ANKRD30B: variants seen among roughly 807,000 people sequenced by gnomAD.
ANKRD30B encodes the protein ankyrin repeat domain 30B, also known as ankyrin repeat domain-containing protein 30B.
In ANKRD30B, 144 loss-of-function variants were observed where a neutral mutation model predicts 202.2. The ratio of observed to expected loss-of-function variants is 0.71; its 90% CI spans 0.62 to 0.82. The LOEUF (loss-of-function observed/expected upper bound fraction) is 0.82. ANKRD30B is among the 40% of genes least tolerant of loss of function. ANKRD30B has a pLI of 0.00. For missense variants in ANKRD30B, 1,487 were observed against 1,669.1 expected, an observed-to-expected ratio of 0.89 and a Z score of 1.90; for synonymous variants, 508 against 561.3, an observed-to-expected ratio of 0.91 and a Z score of 1.34.
intron 10 of ANKRD30B, among the ~76,000 whole-genome samples, chr18:14,779,430 G>A (rs920134344): frequency 5.3e-5 from 8 of 152,106 alleles, no homozygotes; most frequent in African/African-American, 7.2e-5. Flanking sequence ...TATTTAAAAC[G>A]CATTCACACC....
At chr18:14,796,555 T>A (rs531490294) in intron 18 of ANKRD30B, 140 bp downstream of exon 18, 109 of 1,165,914 alleles carry the variant, frequency 9.3e-5, no homozygotes, top group Admixed American at 1.7e-4. Context: ...AATGTTAGCA[T>A]TTATGTTTGA....
chr18:14,922,359 G>A, the ANKRD30B span, among the ~76,000 whole-genome samples: 2 of 152,104 alleles, frequency 1.3e-5, no homozygotes, highest in Admixed American at 6.6e-5. Context: ...ACATAAACTT[G>A]AAAGTCTAGG....
chr18:14,810,368 GA>G (rs1261329183), intron 28 of ANKRD30B, among the ~76,000 whole-genome samples, 188 bp downstream of exon 28: 1 of 151,200 alleles, frequency 6.6e-6, no homozygotes, highest in Non-Finnish European at 1.5e-5. Context: ...TAGGGATTTA[GA>G]AAAAAATTCT....
chr18:14,872,225 A>G, the ANKRD30B span, among the ~76,000 whole-genome samples: 1 of 152,278 alleles, frequency 6.6e-6, no homozygotes, highest in South Asian at 2.1e-4. Context: ...CTGATGGTGA[A>G]ATATTTCTAT....
At chr18:14,918,285 G>A in the ANKRD30B span, among the ~76,000 whole-genome samples, 6 of 152,152 alleles carry the variant, frequency 3.9e-5, no homozygotes, top group Admixed American at 3.3e-4. Context: ...TGAGGCATAA[G>A]CTTGTAAGGG....
chr18:14,914,786 AT>A, the ANKRD30B span, among the ~76,000 whole-genome samples: 61 of 152,298 alleles, frequency 4.0e-4, no homozygotes, highest in African/African-American at 1.4e-3. Flanking sequence ...CATAAACTCT[AT>A]TGGGGGGTTG....
chr18:14,862,397 A>T, the ANKRD30B span, among the ~76,000 whole-genome samples: 3 of 152,164 alleles, frequency 2.0e-5, no homozygotes, highest in African/African-American at 7.2e-5. Flanking sequence ...ACAAGAAAAA[A>T]GAAGATTCCA....
the ANKRD30B span, among the ~76,000 whole-genome samples, chr18:14,902,186 C>G: frequency 6.6e-6 from 1 of 152,134 alleles, no homozygotes; most frequent in African/African-American, 2.4e-5. Context: ...CCTGCCACCC[C>G]CTCCCCACAA....
Position 14,752,626 on chromosome 18 carries a change from C to G in ANKRD30B, c.282C>G (p.Asp94Glu), listed in dbSNP as rs536178576. Residue 94 changes from aspartate (D) to glutamate (E), a missense_variant, in exon 2 of 44, where the codon GAC becomes GAG. Asp to Glu is a conservative substitution (Grantham distance 45). This residue lies in a region of ANKRD30B where 889 missense variants were observed against 841.4 expected (regional missense o/e 1.06). Coordinates refer to ENST00000690538, the MANE Select transcript of ANKRD30B (RefSeq NM_001367607.2). ...GHAEVVTFLVDRKCQLNVLDG... is the reference protein window; with the variant it reads ...GHAEVVTFLVERKCQLNVLDG... ...CAGAAGTAGTAACATTTCTGGTAGA[C>G]AGAAAGTGCCAGCTTAATGTCCTTG... 3.7e-6 allele frequency: 6 copies of G among 1,611,170 alleles called. No individual in the cohort carries two copies. The highest frequency in any genetic ancestry group is 5.1e-6 in the Non-Finnish European group (6 of 1,178,450).
At chr18:14,890,100 A>C in the ANKRD30B span, 1 of 1,061,798 alleles carries the variant, frequency 9.4e-7, no homozygotes, top group Admixed American at 1.7e-5. Context: ...ATATTCAAGG[A>C]ATCACAGAAA....
chr18:14,839,403 C>T (rs1971317239), intron 36 of ANKRD30B, among the ~76,000 whole-genome samples: 1 of 152,214 alleles, frequency 6.6e-6, no homozygotes, highest in South Asian at 2.1e-4. Flanking sequence ...ACATTCTGAA[C>T]AGAGAGGGCA....
intron 30 of ANKRD30B, among the ~76,000 whole-genome samples, chr18:14,819,927 G>T (rs1455316532): frequency 6.6e-6 from 1 of 152,024 alleles, no homozygotes; most frequent in East Asian, 1.9e-4. Flanking sequence ...GATGGGGATG[G>T]CATTGAATCT....
intron 22 of ANKRD30B, 50 bp downstream of exon 22, chr18:14,799,345 T>C: frequency 1.4e-6 from 2 of 1,431,466 alleles, no homozygotes; most frequent in African/African-American, 2.9e-5. Flanking sequence ...TATTAAACTA[T>C]TTGAAATGCT....
intron 30 of ANKRD30B, among the ~76,000 whole-genome samples, chr18:14,820,932 G>C (rs1026291345): frequency 2.6e-5 from 4 of 152,152 alleles, no homozygotes; most frequent in Admixed American, 6.5e-5. Context: ...AGTTTCAGAA[G>C]GAATGGTACC....
At chr18:14,935,397 C>G in the ANKRD30B span, among the ~76,000 whole-genome samples, 1 of 152,212 alleles carries the variant, frequency 6.6e-6, no homozygotes, top group Non-Finnish European at 1.5e-5. Flanking sequence ...CGCCTGTCCA[C>G]AGACTACTCC....
chr18:14,766,584 T>C (rs1400248957), intron 7 of ANKRD30B, among the ~76,000 whole-genome samples: 5 of 151,842 alleles, frequency 3.3e-5, no homozygotes, highest in African/African-American at 7.3e-5. Flanking sequence ...TCTTTACATA[T>C]TGAGTTCAAT....
the ANKRD30B span, among the ~76,000 whole-genome samples, chr18:14,921,336 C>T: frequency 6.7e-6 from 1 of 150,162 alleles, no homozygotes; most frequent in African/African-American, 2.5e-5. Context: ...GGGCAGGAGA[C>T]AAATGAGGTG....
At chr18:14,804,964 A>G (rs1969413168) in intron 24 of ANKRD30B, among the ~76,000 whole-genome samples, 1 of 150,736 alleles carries the variant, frequency 6.6e-6, no homozygotes, top group Non-Finnish European at 1.5e-5. Context: ...GCAGAATGTT[A>G]GAGTGTGGGT....
intron 34 of ANKRD30B, among the ~76,000 whole-genome samples, chr18:14,835,228 T>A (rs1971120439): frequency 6.6e-6 from 1 of 151,804 alleles, no homozygotes. Context: ...ATTATTAATC[T>A]CTAGAAATAC....
Sources: allele counts gnomAD v4.1 joint callset (sites outside exome capture counted in the v4.1 genomes callset), GRCh38; gene constraint gnomAD v4.1.1; regional missense constraint gnomAD v4.1.1; transcripts MANE v1.5; gene names NCBI Gene and HGNC (gene_info 2026-07-23, HGNC 2026-07-21).